CCSER1: variants seen among roughly 807,000 people sequenced by gnomAD.
CCSER1 encodes coiled-coil serine rich protein 1, also known as serine-rich coiled-coil domain-containing protein 1.
A neutral mutation model predicts 82.0 loss-of-function variants in CCSER1; 41 were observed. That is an observed-to-expected ratio of 0.50 (90% CI 0.39 to 0.65). The LOEUF (loss-of-function observed/expected upper bound fraction) is 0.65. Among genes scored for constraint, CCSER1 ranks in the 30% least tolerant of loss-of-function variants. The pLI is 0.00. For missense variants in CCSER1, 1,119 were observed against 1,064.2 expected, an observed-to-expected ratio of 1.05 and a Z score of -0.72; for synonymous variants, 414 against 383.9, an observed-to-expected ratio of 1.08 and a Z score of -0.92.
intron 10 of CCSER1, among the ~76,000 whole-genome samples, chr4:91,370,086 T>G (rs7654013): frequency 0.78 from 117,803 of 151,906 alleles, 46,431 homozygotes; most frequent in African/African-American, 0.92. Context: ...CATGTAGACC[T>G]TGTGCTCAAT....
intron 7 of CCSER1, among the ~76,000 whole-genome samples, chr4:90,790,694 A>G (rs1241497337): frequency 6.6e-6 from 1 of 152,124 alleles, no homozygotes; most frequent in East Asian, 1.9e-4. Context: ...CTTGCACTTC[A>G]TTGTCCAGAT....
At chr4:90,992,626 A>G (rs1324033625) in intron 9 of CCSER1, among the ~76,000 whole-genome samples, 3 of 151,962 alleles carry the variant, frequency 2.0e-5, no homozygotes, top group Non-Finnish European at 4.4e-5. Flanking sequence ...AGATATTATG[A>G]TTATTATAAG....
intron 7 of CCSER1, among the ~76,000 whole-genome samples, chr4:90,784,607 A>G (rs1033506815): frequency 6.6e-6 from 1 of 152,098 alleles, no homozygotes; most frequent in Non-Finnish European, 1.5e-5. Flanking sequence ...AAAACTACCT[A>G]TCTAGTTTGT....
At chr4:90,994,204 C>G (rs1737292700) in intron 9 of CCSER1, among the ~76,000 whole-genome samples, 1 of 124,618 alleles carries the variant, frequency 8.0e-6, no homozygotes, top group South Asian at 2.6e-4. Context: ...AGATGGAAAC[C>G]CCATCTCTAC....
intron 10 of CCSER1, among the ~76,000 whole-genome samples, chr4:91,515,656 G>T (rs947435502): frequency 6.6e-6 from 1 of 152,078 alleles, no homozygotes; most frequent in Non-Finnish European, 1.5e-5. Flanking sequence ...ACATGCTGCA[G>T]TAAATATATA....
intron 10 of CCSER1, among the ~76,000 whole-genome samples, chr4:91,235,399 G>A (rs576806462): frequency 6.6e-6 from 1 of 152,218 alleles, no homozygotes; most frequent in East Asian, 1.9e-4. Flanking sequence ...AGAAGAAATA[G>A]AAAACCTTCA....
At chr4:90,724,288 G>A (rs974367441) in intron 7 of CCSER1, among the ~76,000 whole-genome samples, 1 of 151,790 alleles carries the variant, frequency 6.6e-6, no homozygotes, top group South Asian at 2.1e-4. Flanking sequence ...TTTGTTTATA[G>A]TAATTATATT....
chr4:91,130,681 G>A (rs754637455), intron 10 of CCSER1, among the ~76,000 whole-genome samples: 10 of 151,906 alleles, frequency 6.6e-5, no homozygotes, highest in Admixed American at 3.3e-4. Context: ...TTAAGGGCTT[G>A]TGTGGTTTAT....
chr4:91,117,453 C>T (rs755451240), intron 10 of CCSER1, among the ~76,000 whole-genome samples: 2 of 152,186 alleles, frequency 1.3e-5, no homozygotes, highest in Non-Finnish European at 2.9e-5. Flanking sequence ...TAGCTTATAA[C>T]ATTCTTAGAA....
Position 90,287,052 on chromosome 4 carries a change from G to T in CCSER1, c.-41-21192G>T, listed in dbSNP as rs1382557653. Among the ~76,000 whole-genome samples the T allele has an allele frequency of 2.6e-5, 4 of 151,842 alleles. No homozygotes were observed. The East Asian group carries it at 7.7e-4, about 29-fold the overall frequency. ...TAATTTACTAAATGGTACCCTGGTG[G>T]TATGAATGAGTTTTTAGGTTTTATG... On this transcript the variant is annotated intron_variant, in intron 1 of 10. Transcript: ENST00000509176.
At chr4:91,457,627 GCC>G (rs1756263089) in intron 10 of CCSER1, among the ~76,000 whole-genome samples, 2 of 152,024 alleles carry the variant, frequency 1.3e-5, no homozygotes, top group African/African-American at 4.8e-5. Flanking sequence ...CTGTGATTGT[GCC>G]ACTGCACTCA....
chr4:90,831,241 G>T (rs943056986), intron 8 of CCSER1, among the ~76,000 whole-genome samples: 2 of 152,108 alleles, frequency 1.3e-5, no homozygotes, highest in South Asian at 4.1e-4. Context: ...ACTGAAAAAG[G>T]TATTTGATTA....
chr4:90,782,685 C>CTTTTTTTTTTTTTTTTT (rs61457393), intron 7 of CCSER1, among the ~76,000 whole-genome samples: 1 of 133,982 alleles, frequency 7.5e-6, no homozygotes, highest in East Asian at 2.2e-4. Context: ...TTCTTTCTTT[C>CTTTTTTTTTTTTTTTTT]TTTTTTTTTT....
chr4:91,418,771 G>GATA (rs1753526117), intron 10 of CCSER1, among the ~76,000 whole-genome samples: 1 of 151,882 alleles, frequency 6.6e-6, no homozygotes, highest in African/African-American at 2.4e-5. Context: ...CAAAAGCTTT[G>GATA]CCAGAGAAGG....
chr4:90,991,783 T>C (rs1483031868), intron 9 of CCSER1, among the ~76,000 whole-genome samples: 1 of 152,048 alleles, frequency 6.6e-6, no homozygotes, highest in Non-Finnish European at 1.5e-5. Flanking sequence ...AACTGTATGT[T>C]CCAGTCTAAC....
At chr4:91,501,716 T>C (rs1452278641) in intron 10 of CCSER1, among the ~76,000 whole-genome samples, 1 of 152,092 alleles carries the variant, frequency 6.6e-6, no homozygotes, top group Non-Finnish European at 1.5e-5. Context: ...CTTTTATCTT[T>C]CATCATTTGT....
At chr4:91,166,019 G>A (rs1016759812) in intron 10 of CCSER1, among the ~76,000 whole-genome samples, 12 of 152,200 alleles carry the variant, frequency 7.9e-5, no homozygotes, top group African/African-American at 2.7e-4. Flanking sequence ...CGTTGATCAC[G>A]CTGGGATCTG....
intron 1 of CCSER1, among the ~76,000 whole-genome samples, chr4:90,233,632 AT>A (rs1465860678): frequency 3.5e-5 from 3 of 85,804 alleles, no homozygotes; most frequent in Non-Finnish European, 5.8e-5. Flanking sequence ...ATAATAATAA[AT>A]TAAAAAAAAA....
At chr4:90,418,612 T>C (rs1367431685) in intron 4 of CCSER1, among the ~76,000 whole-genome samples, 1 of 151,968 alleles carries the variant, frequency 6.6e-6, no homozygotes, top group Non-Finnish European at 1.5e-5. Flanking sequence ...GACTCAAACA[T>C]GGTATTTCTG....
Sources: gnomAD v4.1 joint callset for allele counts (sites outside exome capture counted in the v4.1 genomes callset) on GRCh38, gnomAD v4.1.1 for gene constraint, MANE v1.5 for transcripts, NCBI Gene and HGNC (gene_info 2026-07-23, HGNC 2026-07-21) for gene names.